The following SLC35D2 variants were observed in gnomAD, a reference collection of about 807,000 sequenced individuals.
The protein encoded by SLC35D2 is solute carrier family 35 member D2.
In SLC35D2, 43 loss-of-function variants were observed where a neutral mutation model predicts 41.8. The ratio of observed to expected loss-of-function variants is 1.03; its 90% confidence interval spans 0.81 to 1.33. The LOEUF (loss-of-function observed/expected upper bound fraction) is 1.33. Ranked by LOEUF, SLC35D2 falls within the 40% of genes most tolerant of loss-of-function variation. The pLI, the probability that SLC35D2 is intolerant of heterozygous loss-of-function variation, is 0.00. For synonymous variants in SLC35D2, 150 were observed against 163.9 expected (o/e 0.92, Z 0.65); for missense variants, 380 against 408.4 (o/e 0.93, Z 0.60).
At chr9:96,368,175 T>A in intron 2 of SLC35D2, 97 bp downstream of exon 2, 2 of 894,314 alleles carry the variant, frequency 2.2e-6, no homozygotes, top group Non-Finnish European at 3.5e-6. Context: ...GCCAGCTGAA[T>A]AAATTTGCAA....
At chr9:96,336,875 A>G in intron 8 of SLC35D2, 91 bp from the exon 9 acceptor site, 2 of 736,910 alleles carry the variant, frequency 2.7e-6, no homozygotes, top group Non-Finnish European at 4.5e-6. Flanking sequence ...TGATACAGGA[A>G]CCATCTTCCC....
chr9:96,365,049 A>G (rs1374558955), intron 2 of SLC35D2, among the ~76,000 whole-genome samples: 1 of 151,564 alleles, frequency 6.6e-6, no homozygotes, highest in African/African-American at 2.4e-5. Flanking sequence ...TCAAAAAAAA[A>G]AAAAAAAAAA....
chr9:96,354,766 C>CAAAA lies in SLC35D2; in HGVS notation c.348-2661_348-2658dup, dbSNP rs59013884. 1.5e-3 allele frequency among the ~76,000 whole-genome samples: 70 copies of CAAAA among 46,710 alleles called. 2 individuals are homozygous for CAAAA. Among genetic ancestry groups the CAAAA allele is most frequent in the African/African-American group, 3.3e-3 (56 of 17,038 alleles). 30.6% of individuals were successfully genotyped at this position (46,710 alleles called of 152,430 possible). On this transcript the variant is annotated intron_variant, in intron 4 of 11. Transcript: ENST00000253270. ...TGGGCAACAAAGTGAGACTCCATCT[C>CAAAA]AAAAAAAAAAAAAAAAAAAAAAAAA...
chr9:96,345,438 A>G (rs1829532947), intron 6 of SLC35D2, 37 bp from the exon 7 acceptor site: 2 of 1,252,698 alleles, frequency 1.6e-6, no homozygotes, highest in Admixed American at 1.9e-5. Context: ...TGATTACTCA[A>G]AAACTCACAA....
At chr9:96,364,914 T>C (rs1479541923) in intron 2 of SLC35D2, among the ~76,000 whole-genome samples, 2 of 151,334 alleles carry the variant, frequency 1.3e-5, no homozygotes, top group African/African-American at 4.9e-5. Context: ...TAGCTGGGCA[T>C]GGTGGCAGAC....
At chr9:96,334,870 C>G (rs1415565320) in intron 9 of SLC35D2, among the ~76,000 whole-genome samples, 3 of 152,098 alleles carry the variant, frequency 2.0e-5, no homozygotes, top group Non-Finnish European at 4.4e-5. Context: ...TCTAAATGAA[C>G]AGATACGTTT....
chr9:96,381,741 T>A (rs563959310), intron 1 of SLC35D2, among the ~76,000 whole-genome samples: 13 of 152,236 alleles, frequency 8.5e-5, no homozygotes, highest in African/African-American at 2.9e-4. Context: ...AAAACACTGT[T>A]CTCCTCGAAC....
At chr9:96,378,754 TTAAAAAA>T (rs1831061013) in intron 1 of SLC35D2, among the ~76,000 whole-genome samples, 1 of 151,262 alleles carries the variant, frequency 6.6e-6, no homozygotes, top group Non-Finnish European at 1.5e-5. Flanking sequence ...AAATTAAAAA[TTAAAAAA>T]AAAAATTTAA....
chr9:96,322,717 G>GTTTTTTTTTTTT (rs57493593), intron 10 of SLC35D2, among the ~76,000 whole-genome samples: 2 of 111,426 alleles, frequency 1.8e-5, no homozygotes, highest in African/African-American at 3.8e-5. Context: ...GTTTTCTGGG[G>GTTTTTTTTTTTT]TTTTTTTTTT....
rs777699840 is a variant in SLC35D2 at position 96,324,183 on chromosome 9, G to A, written c.753-14C>T. ...ATCAGCAGAAACCTGTGACAAGGAAGCAGACACTGGAGTGTGTGCCTCACT... is the reference window on the plus strand; with the variant it reads ...ATCAGCAGAAACCTGTGACAAGGAAACAGACACTGGAGTGTGTGCCTCACT... On this transcript the variant is annotated splice_polypyrimidine_tract_variant and intron_variant, in intron 9 of 11. Coordinates refer to ENST00000253270, the MANE Select transcript of SLC35D2 (RefSeq NM_007001.3). 3 of 1,611,992 alleles carry A rather than the reference G, an allele frequency of 1.9e-6. No individual in the cohort carries two copies. Among genetic ancestry groups the A allele is most frequent in the Middle Eastern group, 1.7e-4 (1 of 6,056 alleles).
intron 1 of SLC35D2, among the ~76,000 whole-genome samples, chr9:96,371,312 AAAAATTAGCCAGGC>A (rs1830665448): frequency 1.3e-5 from 2 of 151,678 alleles, no homozygotes; most frequent in South Asian, 2.1e-4. Context: ...TAAAAAATAC[AAAAATTAGCCAGGC>A]GTGGTGGCAC....
At chr9:96,338,828 C>CCAAAA (rs1829175946) in intron 8 of SLC35D2, among the ~76,000 whole-genome samples, 1 of 151,822 alleles carries the variant, frequency 6.6e-6, no homozygotes, top group Non-Finnish European at 1.5e-5. Context: ...TAGTCAAAGA[C>CCAAAA]CAAAACAAAA....
rs149240596 is a variant in SLC35D2, at chr9:96,369,272, A to G, written c.159-967T>C. Among the ~76,000 whole-genome samples the G allele has an allele frequency of 5.7e-4, 87 of 152,284 alleles. 1 individual carries two copies. The East Asian group carries it at 0.015, about 26-fold the overall frequency. On this transcript the variant is annotated intron_variant, in intron 1 of 11. Transcript: ENST00000253270. ...AAGGCATCTGTATAAAAAATTATAT[A>G]TCAATATTCTCAAAATTAAAGATCT...
chr9:96,321,945 G>C (rs1828250921), intron 11 of SLC35D2, 53 bp downstream of exon 11: 5 of 1,001,374 alleles, frequency 5.0e-6, no homozygotes, highest in Non-Finnish European at 6.3e-6. Context: ...ATTAATCAGA[G>C]TGTTTAAGGT....
intron 9 of SLC35D2, among the ~76,000 whole-genome samples, chr9:96,329,800 A>AT (rs1587837844): frequency 6.6e-6 from 1 of 152,258 alleles, no homozygotes; most frequent in East Asian, 1.9e-4. Flanking sequence ...ATACAGTAAG[A>AT]AGGAATGATA....
At chr9:96,336,817 G>A (rs921434019) in intron 8 of SLC35D2, 33 bp from the exon 9 acceptor site, 4 of 1,260,384 alleles carry the variant, frequency 3.2e-6, no homozygotes, top group South Asian at 1.3e-5. Flanking sequence ...TAATGATTAG[G>A]TTAATAATAC....
At chr9:96,322,242 G>A (rs935328199) in intron 10 of SLC35D2, among the ~76,000 whole-genome samples, 162 bp from the exon 11 acceptor site, 3 of 152,206 alleles carry the variant, frequency 2.0e-5, no homozygotes, top group Non-Finnish European at 2.9e-5. Context: ...TTACAGGCCA[G>A]GAATGATGGC....
intron 1 of SLC35D2, among the ~76,000 whole-genome samples, chr9:96,377,571 A>C (rs1164762538): frequency 6.6e-6 from 1 of 152,240 alleles, no homozygotes; most frequent in Non-Finnish European, 1.5e-5. Context: ...TGTATGACTC[A>C]CATGGCAATT....
At chr9:96,336,589 G>A (rs1829060377) in intron 9 of SLC35D2, 128 bp downstream of exon 9, 1 of 649,528 alleles carries the variant, frequency 1.5e-6, no homozygotes, top group African/African-American at 1.8e-5. Flanking sequence ...CTTTGCTGCA[G>A]GGGTACTTTC....
Sources: allele counts gnomAD v4.1 joint callset (sites outside exome capture counted in the v4.1 genomes callset), GRCh38; gene constraint gnomAD v4.1.1; transcripts MANE v1.5; gene names NCBI Gene and HGNC (gene_info 2026-07-23, HGNC 2026-07-21).